PDGFC: variants seen among roughly 807,000 people sequenced by gnomAD.
The protein encoded by PDGFC is platelet derived growth factor C, also known as platelet-derived growth factor C.
In PDGFC, 12 loss-of-function variants were observed where a neutral mutation model predicts 35.5. The ratio of observed to expected loss-of-function variants is 0.34; its 90% CI spans 0.22 to 0.55. The LOEUF (loss-of-function observed/expected upper bound fraction) is 0.55. PDGFC is among the 20% of genes least tolerant of loss of function. PDGFC has a pLI of 0.91. For missense variants in PDGFC, 322 were observed against 412.4 expected, an observed-to-expected ratio of 0.78 and a Z score of 1.90; for synonymous variants, 159 against 148.8, an observed-to-expected ratio of 1.07 and a Z score of -0.50.
At chr4:156,824,061 T>C (rs945388873) in intron 2 of PDGFC, among the ~76,000 whole-genome samples, 20 of 151,906 alleles carry the variant, frequency 1.3e-4, no homozygotes, top group African/African-American at 4.1e-4. Flanking sequence ...GAAAGGTGGT[T>C]ACCAGAGCCT....
chr4:156,776,626 G>A (rs1730837314), intron 3 of PDGFC, among the ~76,000 whole-genome samples: 1 of 152,234 alleles, frequency 6.6e-6, no homozygotes, highest in African/African-American at 2.4e-5. Context: ...TACAATCTAT[G>A]TGATGAAGTG....
intron 1 of PDGFC, among the ~76,000 whole-genome samples, chr4:156,944,094 C>T (rs1373409770): frequency 1.3e-5 from 2 of 152,136 alleles, no homozygotes; most frequent in Non-Finnish European, 2.9e-5. Flanking sequence ...CTATTAGAGG[C>T]ACTGTAACGA....
intron 3 of PDGFC, among the ~76,000 whole-genome samples, chr4:156,785,579 G>C: frequency 6.6e-6 from 1 of 152,060 alleles, no homozygotes; most frequent in African/African-American, 2.4e-5. Context: ...GGAATCTACT[G>C]GGTGCACAAC....
intron 3 of PDGFC, among the ~76,000 whole-genome samples, chr4:156,806,639 C>G (rs2110931541): frequency 6.6e-6 from 1 of 151,934 alleles, no homozygotes; most frequent in African/African-American, 2.4e-5. Flanking sequence ...GTATATTTTA[C>G]TTAAAAATAG....
Position 156,851,930 on chromosome 4 carries a change from CAAAAAAAAAA to C in PDGFC, c.119-1524_119-1515del, listed in dbSNP as rs61505882. Among the ~76,000 whole-genome samples the C allele has an allele frequency of 7.1e-3, 342 of 47,858 alleles. 4 individuals are homozygous for C. Among genetic ancestry groups the C allele is most frequent in the African/African-American group, 0.022 (334 of 15,076 alleles). 31.4% of individuals were successfully genotyped at this position (47,858 alleles called of 152,430 possible). ...TGGGCGACAGAATGAGACTCCATCTCAAAAAAAAAAAAAAAAAAAAAAAAAAATCCGTGTA... is the reference window on the plus strand; with the variant it reads ...TGGGCGACAGAATGAGACTCCATCTCAAAAAAAAAAAAAAAAATCCGTGTA... On this transcript the variant is annotated intron_variant, in intron 1 of 5. Transcript: ENST00000502773.
intron 1 of PDGFC, among the ~76,000 whole-genome samples, chr4:156,942,817 A>C (rs1366635378): frequency 4.6e-5 from 7 of 151,610 alleles, no homozygotes; most frequent in Non-Finnish European, 1.0e-4. Context: ...GAGAGCAATC[A>C]AATGGATATG....
At position 156,878,867 on chromosome 4, in the gene PDGFC, A is replaced by T. The variant is rs575478157; in HGVS notation, c.119-28451T>A. Among the ~76,000 whole-genome samples, 3 of 152,306 alleles carry T rather than the reference A, an allele frequency of 2.0e-5. No homozygotes were observed. In the East Asian group the frequency reaches 5.8e-4, roughly 29 times the overall value. ...AGGGCTAGAGTTTTAGAGAACAATG[A>T]CTTTTACCTAGAAGTAACTCCTACC... On this transcript the variant is annotated intron_variant, in intron 1 of 5. Coordinates refer to ENST00000502773, the MANE Select transcript of PDGFC (RefSeq NM_016205.3).
chr4:156,858,462 C>T (rs993876519), intron 1 of PDGFC, among the ~76,000 whole-genome samples: 1 of 151,988 alleles, frequency 6.6e-6, no homozygotes, highest in Non-Finnish European at 1.5e-5. Flanking sequence ...ATTGCATACA[C>T]ACACAATTGC....
At chr4:156,777,921 T>G (rs1019687058) in intron 3 of PDGFC, among the ~76,000 whole-genome samples, 1 of 151,872 alleles carries the variant, frequency 6.6e-6, no homozygotes, top group Non-Finnish European at 1.5e-5. Context: ...CTGGCCAACA[T>G]AGTGAAACCC....
At chr4:156,889,468 G>C (rs1262547523) in intron 1 of PDGFC, among the ~76,000 whole-genome samples, 2 of 152,114 alleles carry the variant, frequency 1.3e-5, no homozygotes, top group Non-Finnish European at 2.9e-5. Flanking sequence ...AAAATATTTG[G>C]CCAAGAATTA....
chr4:156,871,531 G>A (rs1729983775), intron 1 of PDGFC, among the ~76,000 whole-genome samples: 1 of 151,830 alleles, frequency 6.6e-6, no homozygotes, highest in African/African-American at 2.4e-5. Context: ...ATCAATCTCG[G>A]CTTATTTTAA....
intron 1 of PDGFC, among the ~76,000 whole-genome samples, chr4:156,930,510 T>C (rs905423154): frequency 6.6e-6 from 1 of 152,208 alleles, no homozygotes; most frequent in African/African-American, 2.4e-5. Flanking sequence ...AACTATGTAA[T>C]TGAAAACAGA....
At chr4:156,863,140 A>T (rs73856765) in intron 1 of PDGFC, among the ~76,000 whole-genome samples, 2,398 of 152,288 alleles carry the variant, frequency 0.016, 50 homozygotes, top group African/African-American at 0.054. Flanking sequence ...TGTCACAATA[A>T]ATAAGGGTCA....
intron 1 of PDGFC, among the ~76,000 whole-genome samples, chr4:156,870,369 G>A (rs2111140623): frequency 6.6e-6 from 1 of 152,108 alleles, no homozygotes; most frequent in South Asian, 2.1e-4. Context: ...TTTCAAAACA[G>A]ACAATATTTC....
intron 1 of PDGFC, among the ~76,000 whole-genome samples, chr4:156,893,534 A>G (rs1315211314): frequency 6.6e-6 from 1 of 151,594 alleles, no homozygotes; most frequent in African/African-American, 2.4e-5. Context: ...ACGAGGTCTT[A>G]CTCTGTTGAC....
rs377010633 is a variant in PDGFC, at chr4:156,854,747, C to T, written c.119-4331G>A. Among the ~76,000 whole-genome samples the T allele has an allele frequency of 1.4e-4, 21 of 151,914 alleles. No homozygotes were observed. In the East Asian group the frequency reaches 1.9e-3, roughly 14 times the overall value. ...AGTATTTTAGGGATGAGAAAAGTAC[C>T]CACTTGAGAATATTTTATTGAACAT... is the stretch of plus-strand genomic sequence containing the variant. On this transcript the variant is annotated intron_variant, in intron 1 of 5. Transcript: ENST00000502773.
chr4:156,884,106 A>T (rs1425494946), intron 1 of PDGFC, among the ~76,000 whole-genome samples: 1 of 152,216 alleles, frequency 6.6e-6, no homozygotes, highest in Non-Finnish European at 1.5e-5. Context: ...TGCCTCCAAG[A>T]AGGAAAGCTA....
intron 1 of PDGFC, among the ~76,000 whole-genome samples, chr4:156,916,136 T>G (rs1200783427): frequency 6.6e-6 from 1 of 152,148 alleles, no homozygotes; most frequent in African/African-American, 2.4e-5. Context: ...TCCTTTCTCC[T>G]ATTTCATTCA....
intron 1 of PDGFC, among the ~76,000 whole-genome samples, chr4:156,893,305 T>C (rs1289804791): frequency 1.3e-5 from 2 of 151,442 alleles, no homozygotes; most frequent in African/African-American, 4.8e-5. Flanking sequence ...ACAGACCATA[T>C]AGACGCAACA....
Sources: gnomAD v4.1 joint callset for allele counts (sites outside exome capture counted in the v4.1 genomes callset) on GRCh38, gnomAD v4.1.1 for gene constraint, MANE v1.5 for transcripts, NCBI Gene and HGNC (gene_info 2026-07-23, HGNC 2026-07-21) for gene names.